The following CREB5 variants were observed in gnomAD, a reference collection of about 807,000 sequenced individuals.
CREB5 encodes cAMP responsive element binding protein 5, also known as cyclic AMP-responsive element-binding protein 5.
In CREB5, 19 loss-of-function variants were observed where a neutral mutation model predicts 57.1. The ratio of observed to expected loss-of-function variants is 0.33; its 90% CI spans 0.23 to 0.49. CREB5 has a LOEUF of 0.49. Ranked by LOEUF, CREB5 falls within the 20% of genes least tolerant of loss-of-function variation. The pLI is 0.99. For missense variants in CREB5, 579 were observed against 671.6 expected (o/e 0.86, Z 1.52); for synonymous variants, 238 against 238.3 (o/e 1.00, Z 0.01).
chr7:28,396,549 A>T (rs1368723090), intron 1 of CREB5, among the ~76,000 whole-genome samples: 1 of 152,230 alleles, frequency 6.6e-6, no homozygotes. Flanking sequence ...GATGTCATAA[A>T]TATGAAAGTA....
At chr7:28,706,984 G>A (rs1802142268) in intron 5 of CREB5, among the ~76,000 whole-genome samples, 1 of 152,144 alleles carries the variant, frequency 6.6e-6, no homozygotes. Flanking sequence ...CTCCTATTGT[G>A]TGCCAAGCTC....
chr7:28,679,052 CTTT>C (rs56266854), intron 5 of CREB5, among the ~76,000 whole-genome samples: 4 of 123,862 alleles, frequency 3.2e-5, no homozygotes, highest in African/African-American at 8.8e-5. Flanking sequence ...TTTTGTAGTT[CTTT>C]TTTTTTTTTT....
At chr7:28,482,676 T>C (rs994049161) in intron 1 of CREB5, among the ~76,000 whole-genome samples, 4 of 152,244 alleles carry the variant, frequency 2.6e-5, no homozygotes, top group African/African-American at 9.6e-5. Context: ...TGATAAATGC[T>C]GATAAATGTT....
intron 7 of CREB5, among the ~76,000 whole-genome samples, chr7:28,725,195 C>T (rs1803266001): frequency 6.6e-6 from 1 of 152,212 alleles, no homozygotes; most frequent in African/African-American, 2.4e-5. Context: ...TGACTGGCAG[C>T]ATTAGAGACT....
intron 5 of CREB5, among the ~76,000 whole-genome samples, chr7:28,718,491 G>A (rs766192096): frequency 1.3e-5 from 2 of 152,172 alleles, no homozygotes; most frequent in Non-Finnish European, 2.9e-5. Context: ...AGACTTATTG[G>A]CTTGTTTCTA....
intron 5 of CREB5, among the ~76,000 whole-genome samples, chr7:28,716,412 A>C (rs1014869296): frequency 1.3e-5 from 2 of 152,224 alleles, no homozygotes; most frequent in African/African-American, 4.8e-5. Context: ...CTATACTTAA[A>C]ACATTCCCCT....
chr7:28,785,807 C>A (rs1807289708), intron 7 of CREB5, among the ~76,000 whole-genome samples: 1 of 152,170 alleles, frequency 6.6e-6, no homozygotes, highest in African/African-American at 2.4e-5. Flanking sequence ...GCTTGTGAAG[C>A]TCCAGGACAT....
chr7:28,694,430 T>C (rs371603874), intron 5 of CREB5, among the ~76,000 whole-genome samples: 1 of 149,500 alleles, frequency 6.7e-6, no homozygotes, highest in South Asian at 2.2e-4. Flanking sequence ...TGCCATTTCC[T>C]TCCTCTGAGG....
chr7:28,736,396 C>T (rs539561170), intron 7 of CREB5, among the ~76,000 whole-genome samples: 64 of 152,012 alleles, frequency 4.2e-4, no homozygotes, highest in African/African-American at 1.5e-3. Flanking sequence ...CTCGAACTCC[C>T]GACCTCAGGT....
intron 1 of CREB5, among the ~76,000 whole-genome samples, chr7:28,473,273 G>A (rs1319841134): frequency 1.3e-5 from 2 of 152,184 alleles, no homozygotes; most frequent in East Asian, 1.9e-4. Flanking sequence ...AGCGGGCTGC[G>A]AAGGCACCAT....
At chr7:28,582,791 G>A (rs569893192) in intron 5 of CREB5, among the ~76,000 whole-genome samples, 2 of 152,304 alleles carry the variant, frequency 1.3e-5, no homozygotes, top group South Asian at 4.1e-4. Flanking sequence ...GAGCCTTGAG[G>A]AAAGTTAGAC....
intron 1 of CREB5, among the ~76,000 whole-genome samples, chr7:28,300,613 T>C (rs907293828): frequency 3.9e-5 from 6 of 152,204 alleles, no homozygotes; most frequent in African/African-American, 1.4e-4. Flanking sequence ...AGTGAACATT[T>C]CCTGTTGCCA....
intron 5 of CREB5, among the ~76,000 whole-genome samples, chr7:28,577,925 G>A (rs1421543617): frequency 2.6e-5 from 4 of 152,164 alleles, no homozygotes; most frequent in Non-Finnish European, 4.4e-5. Flanking sequence ...TCTGCTAACA[G>A]TGGCTTATTT....
upstream of CREB5, among the ~76,000 whole-genome samples, chr7:28,408,732 C>T (rs1391044871): frequency 6.6e-6 from 1 of 151,960 alleles, no homozygotes; most frequent in Admixed American, 6.6e-5. Flanking sequence ...AGAGTGTGCA[C>T]CATAAGGAAG....
At chr7:28,355,139 A>G (rs545709016) in intron 1 of CREB5, among the ~76,000 whole-genome samples, 41 of 152,298 alleles carry the variant, frequency 2.7e-4, no homozygotes, top group Non-Finnish European at 3.7e-4. Context: ...CTGTGTATGC[A>G]CTGCCTGGAT....
At chr7:28,476,827 A>T (rs1467798417) in intron 1 of CREB5, among the ~76,000 whole-genome samples, 2 of 152,212 alleles carry the variant, frequency 1.3e-5, no homozygotes. Context: ...AGAGGAGATG[A>T]TATGATATTT....
At chr7:28,682,130 C>G (rs1217559259) in intron 5 of CREB5, among the ~76,000 whole-genome samples, 4 of 152,164 alleles carry the variant, frequency 2.6e-5, no homozygotes, top group African/African-American at 9.7e-5. Context: ...TACTTAGTGC[C>G]AGGGTTGGGG....
At chr7:28,598,448 G>C (rs1796774337) in intron 5 of CREB5, among the ~76,000 whole-genome samples, 1 of 152,152 alleles carries the variant, frequency 6.6e-6, no homozygotes, top group African/African-American at 2.4e-5. Flanking sequence ...TTTTGTGTGT[G>C]GTGGGGTGTT....
intron 5 of CREB5, among the ~76,000 whole-genome samples, chr7:28,718,531 G>A (rs1345176206): frequency 6.6e-6 from 1 of 152,218 alleles, no homozygotes; most frequent in East Asian, 1.9e-4. Context: ...CAGAGGTCAG[G>A]AAATGAAGTG....
Sources: allele counts gnomAD v4.1 joint callset (sites outside exome capture counted in the v4.1 genomes callset), GRCh38; gene constraint gnomAD v4.1.1; transcripts MANE v1.5; gene names NCBI Gene and HGNC (gene_info 2026-07-23, HGNC 2026-07-21).